The following MAP2K4 variants were observed in gnomAD, a reference collection of about 807,000 sequenced individuals.
The protein encoded by MAP2K4 is dual specificity mitogen-activated protein kinase kinase 4.
Under a neutral mutation model 48.5 loss-of-function variants are expected in MAP2K4, and 4 were observed. That is an observed-to-expected ratio of 0.08 (90% CI 0.04 to 0.19). MAP2K4 has a LOEUF of 0.19. Ranked by LOEUF, MAP2K4 falls within the 10% of genes least tolerant of loss-of-function variation. MAP2K4 has a pLI of 1.00. For synonymous variants in MAP2K4, 166 were observed against 173.1 expected (o/e 0.96, Z 0.32); for missense variants, 258 against 493.3 (o/e 0.52, Z 4.52).
intron 10 of MAP2K4, 78 bp downstream of exon 10, chr17:12,139,962 A>G: frequency 1.1e-6 from 1 of 883,268 alleles, no homozygotes; most frequent in Non-Finnish European, 1.7e-6. Context: ...CTAAGCAAGC[A>G]GTGGGCCTCT....
intron 1 of MAP2K4, among the ~76,000 whole-genome samples, chr17:12,045,869 G>A (rs1210772457): frequency 6.6e-6 from 1 of 152,174 alleles, no homozygotes; most frequent in Non-Finnish European, 1.5e-5. Flanking sequence ...CAAGTTCGAG[G>A]CTTAAAAACA....
At chr17:12,096,007 C>T (rs1375101352) in intron 4 of MAP2K4, among the ~76,000 whole-genome samples, 1 of 126,906 alleles carries the variant, frequency 7.9e-6, no homozygotes, top group Admixed American at 9.9e-5. Context: ...AATCAGCTGA[C>T]TTCTAAATAT....
intron 2 of MAP2K4, among the ~76,000 whole-genome samples, chr17:12,074,247 T>C (rs566684939): frequency 1.1e-3 from 166 of 152,356 alleles, no homozygotes; most frequent in African/African-American, 3.6e-3. Flanking sequence ...AATTGATTGA[T>C]GTTTTTCTCT....
At chr17:12,079,895 C>CT (rs1971133939) in intron 2 of MAP2K4, among the ~76,000 whole-genome samples, 1 of 152,188 alleles carries the variant, frequency 6.6e-6, no homozygotes, top group Non-Finnish European at 1.5e-5. Flanking sequence ...TAAATGGTCA[C>CT]TTATGCCACT....
chr17:12,110,265 G>A, intron 5 of MAP2K4, 110 bp from the exon 6 acceptor site: 1 of 729,626 alleles, frequency 1.4e-6, no homozygotes, highest in Non-Finnish European at 2.4e-6. Context: ...GAAATATTAA[G>A]CTTAAAATGT....
intron 10 of MAP2K4, among the ~76,000 whole-genome samples, 169 bp downstream of exon 10, chr17:12,140,053 C>A (rs1223777640): frequency 6.6e-6 from 1 of 152,052 alleles, no homozygotes; most frequent in African/African-American, 2.4e-5. Flanking sequence ...AGAAAATTTG[C>A]AGTTATAATT....
chr17:12,112,279 A>G (rs966582754), intron 6 of MAP2K4, among the ~76,000 whole-genome samples: 3 of 152,118 alleles, frequency 2.0e-5, no homozygotes, highest in African/African-American at 7.2e-5. Context: ...CCTAGCCAAC[A>G]TGGTGAAACC....
chr17:12,059,191 A>G (rs1970374576), intron 2 of MAP2K4, among the ~76,000 whole-genome samples: 2 of 152,238 alleles, frequency 1.3e-5, no homozygotes, highest in Admixed American at 6.5e-5. Flanking sequence ...TTAAAATGAA[A>G]GATTAAACTG....
At chr17:12,027,614 A>G (rs1015261260) in intron 1 of MAP2K4, among the ~76,000 whole-genome samples, 4 of 152,158 alleles carry the variant, frequency 2.6e-5, no homozygotes, top group Admixed American at 1.3e-4. Flanking sequence ...GCCTATGTCT[A>G]TTTATTGCCT....
chr17:12,118,745 G>A (rs981182814), intron 7 of MAP2K4, among the ~76,000 whole-genome samples: 1 of 152,196 alleles, frequency 6.6e-6, no homozygotes, highest in Admixed American at 6.5e-5. Context: ...AGGTGTGGGT[G>A]TGGAAGGTTT....
chr17:12,039,102 C>T (rs912032653), intron 1 of MAP2K4, among the ~76,000 whole-genome samples: 1 of 152,136 alleles, frequency 6.6e-6, no homozygotes, highest in Non-Finnish European at 1.5e-5. Context: ...CTAGGGAAAA[C>T]GATGTTTAGT....
chr17:12,103,303 C>T (rs925047399), intron 4 of MAP2K4, among the ~76,000 whole-genome samples: 4 of 151,808 alleles, frequency 2.6e-5, no homozygotes, highest in African/African-American at 7.3e-5. Context: ...CACCTTGGCC[C>T]CCTAAAGCAT....
rs28921671 is a variant in MAP2K4 at position 12,043,954 on chromosome 17, CACTT to C, written c.116-10934_116-10931del. On this transcript the variant is annotated intron_variant, in intron 1 of 10. Coordinates refer to ENST00000353533, the MANE Select transcript of MAP2K4 (RefSeq NM_003010.4). ...CAGCTGAAAGTTTTAACAGTCTACTCACTTGGTTGTTTTTTTCTGGTGGCCAGCC... is the reference window on the plus strand; with the variant it reads ...CAGCTGAAAGTTTTAACAGTCTACTCGGTTGTTTTTTTCTGGTGGCCAGCC... Among the ~76,000 whole-genome samples the C allele has an allele frequency of 8.8e-3, 1,334 of 152,132 alleles. 16 individuals are homozygous for C. Among genetic ancestry groups the C allele is most frequent in the African/African-American group, 0.029 (1,211 of 41,508 alleles).
intron 4 of MAP2K4, among the ~76,000 whole-genome samples, chr17:12,098,077 TCAATAGTTTTA>T (rs1971818103): frequency 6.6e-6 from 1 of 152,338 alleles, no homozygotes; most frequent in South Asian, 2.1e-4. Context: ...ATATAGTTTT[TCAATAGTTTTA>T]CAATAAAAGT....
chr17:12,050,458 A>G (rs1176336517), intron 1 of MAP2K4, among the ~76,000 whole-genome samples: 1 of 152,132 alleles, frequency 6.6e-6, no homozygotes, highest in East Asian at 1.9e-4. Flanking sequence ...TTCCTGAGGG[A>G]CATACTGATG....
intron 9 of MAP2K4, among the ~76,000 whole-genome samples, chr17:12,130,125 A>G (rs1972976471): frequency 6.6e-6 from 1 of 152,164 alleles, no homozygotes; most frequent in Admixed American, 6.5e-5. Flanking sequence ...CCTGCTAAGA[A>G]TGCGGTTTCT....
Position 12,053,748 on chromosome 17 carries a change from C to T in MAP2K4, c.116-1141C>T, listed in dbSNP as rs144430846. Among the ~76,000 whole-genome samples, 911 of 151,906 alleles carry T rather than the reference C, an allele frequency of 6.0e-3. 8 individuals carry two copies. The highest frequency in any genetic ancestry group is 0.011 in the Non-Finnish European group (752 of 67,946). On this transcript the variant is annotated intron_variant, in intron 1 of 10. Transcript: ENST00000353533. ...TATCTTTGAAAGCAGATCTAGGGGC[C>T]GTGGCAAGGAGCTCTGTGCTCTTGT...
chr17:12,131,806 TAGA>T (rs1973034645), intron 9 of MAP2K4, among the ~76,000 whole-genome samples: 1 of 151,978 alleles, frequency 6.6e-6, no homozygotes, highest in Non-Finnish European at 1.5e-5. Flanking sequence ...AGCCACACAG[TAGA>T]AGGAGATATT....
At chr17:12,110,473 C>T (rs1381829905) in intron 6 of MAP2K4, 47 bp downstream of exon 6, 2 of 1,303,442 alleles carry the variant, frequency 1.5e-6, no homozygotes, top group Admixed American at 1.8e-5. Context: ...ACTTTTTTCT[C>T]CTAATTGGTG....
Sources: gnomAD v4.1 joint callset for allele counts (sites outside exome capture counted in the v4.1 genomes callset) on GRCh38, gnomAD v4.1.1 for gene constraint, MANE v1.5 for transcripts, NCBI Gene and HGNC (gene_info 2026-07-23, HGNC 2026-07-21) for gene names.